The following PGPEP1L variants were observed in gnomAD, a reference collection of about 807,000 sequenced individuals.
The protein encoded by PGPEP1L is pyroglutamyl-peptidase 1-like protein.
PGPEP1L carries 7 observed loss-of-function variants against 6.0 expected under a neutral mutation model. The ratio of observed to expected loss-of-function variants is 1.17; its 90% CI spans 0.66 to 2.19. PGPEP1L has a LOEUF of 2.19. Among genes scored for constraint, PGPEP1L ranks in the 30% most tolerant of loss-of-function variants. PGPEP1L has a pLI of 0.00. For synonymous variants in PGPEP1L, 103 were observed against 83.9 expected (o/e 1.23, Z -1.24); for missense variants, 209 against 192.5 (o/e 1.09, Z -0.51).
At chr15:98,982,286 C>A (rs780623795) in intron 2 of PGPEP1L, among the ~76,000 whole-genome samples, 1 of 152,134 alleles carries the variant, frequency 6.6e-6, no homozygotes, top group Non-Finnish European at 1.5e-5. Flanking sequence ...CTTGTGCAGG[C>A]GACTGGGACT....
In PGPEP1L at chr15:98,969,498, C is replaced by A. The variant is rs754225723; in HGVS notation, c.136G>T (p.Val46Phe). The change falls in exon 4 of 5, where the codon GTC becomes TTC. Residue 46 changes from valine (V) to phenylalanine (F), a missense_variant. Physicochemically the swap from Val to Phe is conservative, Grantham distance 50. Transcript: ENST00000535714. ...CGCTTGCAGACTGCCTTCATGCAGA[C>A]CCCTGACTCCAGCACGTCTGGGCTG... ...PGSPDVLESG[V>F]CMKAVCKRVA... 3 of 1,614,078 alleles carry A rather than the reference C, an allele frequency of 1.9e-6. No individual in the cohort carries two copies. The highest frequency in any genetic ancestry group is 2.5e-6 in the Non-Finnish European group (3 of 1,179,914).
At chr15:98,975,472 G>C (rs2017555066) in intron 2 of PGPEP1L, among the ~76,000 whole-genome samples, 1 of 152,306 alleles carries the variant, frequency 6.6e-6, no homozygotes, top group Admixed American at 6.5e-5. Flanking sequence ...AAGAGATTTA[G>C]AACGTCCTCA....
At chr15:98,994,937 T>C (rs2017867498) in intron 2 of PGPEP1L, among the ~76,000 whole-genome samples, 3 of 152,258 alleles carry the variant, frequency 2.0e-5, no homozygotes, top group Admixed American at 1.3e-4. Flanking sequence ...AATTAGATTG[T>C]CAATTTTTCC....
intron 2 of PGPEP1L, among the ~76,000 whole-genome samples, chr15:98,988,359 T>C (rs1163858004): frequency 6.6e-6 from 1 of 152,022 alleles, no homozygotes; most frequent in Non-Finnish European, 1.5e-5. Flanking sequence ...CCTCACAGTG[T>C]AAACAAAGCC....
intron 2 of PGPEP1L, among the ~76,000 whole-genome samples, chr15:98,973,832 G>A (rs1342244597): frequency 6.6e-6 from 1 of 151,694 alleles, no homozygotes; most frequent in East Asian, 1.9e-4. Flanking sequence ...ATTAGTAGAA[G>A]GAAAGAAATA....
chr15:98,996,474 G>A (rs2017888901), intron 2 of PGPEP1L, among the ~76,000 whole-genome samples: 1 of 152,120 alleles, frequency 6.6e-6, no homozygotes, highest in African/African-American at 2.4e-5. Flanking sequence ...CTCTTGGTAT[G>A]TGTATATGGG....
intron 2 of PGPEP1L, among the ~76,000 whole-genome samples, chr15:98,978,978 T>G (rs2151757387): frequency 6.6e-6 from 1 of 151,980 alleles, no homozygotes. Flanking sequence ...TCCGCCCACC[T>G]TGGCCTCCCA....
intron 2 of PGPEP1L, among the ~76,000 whole-genome samples, chr15:98,993,590 A>G (rs1160650706): frequency 7.6e-6 from 1 of 131,118 alleles, no homozygotes; most frequent in African/African-American, 2.8e-5. Context: ...CAAACACTGC[A>G]TGTTCTCACT....
At chr15:98,974,599 T>TA (rs1433481477) in intron 2 of PGPEP1L, among the ~76,000 whole-genome samples, 2 of 151,766 alleles carry the variant, frequency 1.3e-5, no homozygotes, top group East Asian at 3.9e-4. Flanking sequence ...TCAACTATTC[T>TA]AAAAAATTAA....
At chr15:98,985,557 C>A (rs945684617) in intron 2 of PGPEP1L, among the ~76,000 whole-genome samples, 9 of 152,082 alleles carry the variant, frequency 5.9e-5, no homozygotes, top group South Asian at 2.1e-4. Flanking sequence ...AAACAAACAA[C>A]CAAACAAAAA....
chr15:98,968,564 C>T lies in PGPEP1L; in HGVS notation c.343G>A (p.Glu115Lys), dbSNP rs1521484. The change falls in exon 5 of 5, where the codon GAA becomes AAA. Residue 115 changes from glutamate (E) to lysine (K), a missense_variant. Coordinates refer to ENST00000535714, the MANE Select transcript of PGPEP1L (RefSeq NM_001167902.2). ...LGRALRVIIQ[E>K]MLEEVGKPKH... ...GGCTTTCCCACCTCTTCCAGCATTT[C>T]CTGGATGATGACTCTCAAGGCTCTT... 1.2e-6 allele frequency: 2 copies of T among 1,612,156 alleles called. No homozygotes were observed. The highest frequency in any genetic ancestry group is 8.5e-7 in the Non-Finnish European group (1 of 1,179,038).
chr15:98,978,947 C>T (rs1238613297), intron 2 of PGPEP1L, among the ~76,000 whole-genome samples: 5 of 151,770 alleles, frequency 3.3e-5, no homozygotes, highest in African/African-American at 1.2e-4. Context: ...CCAGGATGGT[C>T]TCGATCTCTT....
intron 2 of PGPEP1L, among the ~76,000 whole-genome samples, chr15:98,994,099 G>A (rs570558524): frequency 6.6e-6 from 1 of 151,630 alleles, no homozygotes; most frequent in East Asian, 2.0e-4. Flanking sequence ...AACCCCGTCT[G>A]TACTAAAAAT....
intron 2 of PGPEP1L, among the ~76,000 whole-genome samples, chr15:98,986,899 T>G (rs2151761278): frequency 6.6e-6 from 1 of 152,228 alleles, no homozygotes; most frequent in Non-Finnish European, 1.5e-5. Context: ...CTGGGCATGG[T>G]GGCTCACACC....
chr15:98,996,464 C>T (rs1464533312), intron 2 of PGPEP1L, among the ~76,000 whole-genome samples: 1 of 152,072 alleles, frequency 6.6e-6, no homozygotes, highest in East Asian at 1.9e-4. Context: ...CAGCCTGAAG[C>T]TCTTGGTATG....
chr15:99,006,576 T>G (rs1339882241), intron 1 of PGPEP1L, among the ~76,000 whole-genome samples: 2 of 152,250 alleles, frequency 1.3e-5, no homozygotes, highest in Non-Finnish European at 2.9e-5. Flanking sequence ...CGCCTTTAAT[T>G]TCAGCATTTT....
chr15:98,997,770 G>A (rs1390762370), intron 2 of PGPEP1L, among the ~76,000 whole-genome samples: 1 of 152,128 alleles, frequency 6.6e-6, no homozygotes, highest in Admixed American at 6.5e-5. Flanking sequence ...ACTGAGGCTG[G>A]GGGAAATGAC....
At chr15:98,969,969 T>C (rs1316999052) in intron 3 of PGPEP1L, among the ~76,000 whole-genome samples, 1 of 152,130 alleles carries the variant, frequency 6.6e-6, no homozygotes, top group Non-Finnish European at 1.5e-5. Context: ...AGAGGCAAGC[T>C]AGTAAGTGGT....
intron 3 of PGPEP1L, 74 bp from the exon 4 acceptor site, chr15:98,969,725 G>C: frequency 1.3e-6 from 2 of 1,485,658 alleles, no homozygotes; most frequent in Non-Finnish European, 1.9e-6. Flanking sequence ...TGCAGAAGGG[G>C]CCACTCCTTT....
Sources: gnomAD v4.1 joint callset for allele counts (sites outside exome capture counted in the v4.1 genomes callset) on GRCh38, gnomAD v4.1.1 for gene constraint, MANE v1.5 for transcripts, NCBI Gene and HGNC (gene_info 2026-07-23, HGNC 2026-07-21) for gene names.